Variants in TTC27 observed in about 807,000 individuals in gnomAD.
TTC27 encodes the protein tetratricopeptide repeat protein 27.
A neutral mutation model predicts 115.9 loss-of-function variants in TTC27; 79 were observed. That is an observed-to-expected ratio of 0.68 (90% CI 0.57 to 0.82). The LOEUF (loss-of-function observed/expected upper bound fraction) is 0.82, where lower values mean the gene tolerates loss of function less well. TTC27 is among the 40% of genes least tolerant of loss of function. TTC27 has a pLI of 0.00. For synonymous variants in TTC27, 401 were observed against 356.0 expected (o/e 1.13, Z -1.42); for missense variants, 1,054 against 993.1 (o/e 1.06, Z -0.82).
intron 2 of TTC27, among the ~76,000 whole-genome samples, chr2:32,632,821 A>G (rs1267607639): frequency 2.0e-5 from 3 of 152,196 alleles, no homozygotes; most frequent in African/African-American, 7.2e-5. Flanking sequence ...GTACCTATTT[A>G]GATCCTAATT....
At chr2:32,776,464 C>T (rs1461141843) in intron 13 of TTC27, among the ~76,000 whole-genome samples, 1 of 152,190 alleles carries the variant, frequency 6.6e-6, no homozygotes, top group Non-Finnish European at 1.5e-5. Context: ...ACAGCTGGCT[C>T]AGTGCCTTTC....
chr2:32,644,180 CAA>C (rs70938356), intron 4 of TTC27, among the ~76,000 whole-genome samples: 115 of 75,346 alleles, frequency 1.5e-3, no homozygotes, highest in African/African-American at 3.7e-3. Context: ...GACTCTGTTT[CAA>C]AAAAAAAAAA....
At chr2:32,666,359 C>CT (rs35023187) in intron 6 of TTC27, among the ~76,000 whole-genome samples, 29,474 of 136,492 alleles carry the variant, frequency 0.22, 4,329 homozygotes, top group African/African-American at 0.42. Context: ...CAATGTGTTA[C>CT]TTTTTTTTTT....
chr2:32,644,180 C>CAAA (rs70938356), intron 4 of TTC27, among the ~76,000 whole-genome samples: 1 of 75,378 alleles, frequency 1.3e-5, no homozygotes, highest in African/African-American at 4.8e-5. Flanking sequence ...GACTCTGTTT[C>CAAA]AAAAAAAAAA....
intron 10 of TTC27, chr2:32,704,938 T>G (rs1667315539): frequency 2.1e-6 from 1 of 470,856 alleles, no homozygotes; most frequent in South Asian, 1.6e-5. Flanking sequence ...GTGAGATTTC[T>G]CCCCAAGTAA....
At chr2:32,759,585 CT>C (rs1463584525) in intron 13 of TTC27, among the ~76,000 whole-genome samples, 1 of 152,016 alleles carries the variant, frequency 6.6e-6, no homozygotes, top group Admixed American at 6.6e-5. Flanking sequence ...GACCTCATCT[CT>C]GAAAAAAATA....
intron 3 of TTC27, among the ~76,000 whole-genome samples, 164 bp from the exon 4 acceptor site, chr2:32,640,106 G>A (rs1051182999): frequency 5.3e-5 from 8 of 152,162 alleles, no homozygotes; most frequent in Admixed American, 3.3e-4. Context: ...ATGTCTAAGG[G>A]CATTTGCAGT....
chr2:32,810,137 G>A (rs1179890669), intron 16 of TTC27, among the ~76,000 whole-genome samples: 1 of 149,944 alleles, frequency 6.7e-6, no homozygotes, highest in East Asian at 2.0e-4. Flanking sequence ...AAAATGGTGA[G>A]CCAACCTGAG....
At chr2:32,719,224 T>C (rs1667845850) in intron 10 of TTC27, among the ~76,000 whole-genome samples, 6 of 152,180 alleles carry the variant, frequency 3.9e-5, no homozygotes. Context: ...AGCAGTGAAC[T>C]AAACAATGTA....
intron 14 of TTC27, among the ~76,000 whole-genome samples, chr2:32,778,205 A>G (rs952971410): frequency 2.0e-5 from 3 of 152,252 alleles, no homozygotes; most frequent in Admixed American, 1.3e-4. Context: ...TGTTAAAAAT[A>G]TACTTCACTG....
At chr2:32,677,194 T>C (rs1666240931) in intron 8 of TTC27, among the ~76,000 whole-genome samples, 1 of 152,208 alleles carries the variant, frequency 6.6e-6, no homozygotes, top group South Asian at 2.1e-4. Flanking sequence ...ATTGTATTCC[T>C]GTGATGCATG....
chr2:32,746,485 C>G (rs1194068564), intron 12 of TTC27, among the ~76,000 whole-genome samples: 1 of 135,122 alleles, frequency 7.4e-6, no homozygotes, highest in African/African-American at 2.8e-5. Flanking sequence ...ATTGCTTGAA[C>G]CTGGGAGGCA....
chr2:32,648,436 C>CTTT (rs35446780), intron 4 of TTC27, among the ~76,000 whole-genome samples: 2 of 111,870 alleles, frequency 1.8e-5, no homozygotes, highest in Non-Finnish European at 1.8e-5. Flanking sequence ...GGCACCCCCC[C>CTTT]TTTTTTTTTT....
intron 13 of TTC27, among the ~76,000 whole-genome samples, chr2:32,768,767 T>C (rs1270951287): frequency 1.3e-5 from 2 of 152,200 alleles, no homozygotes; most frequent in Non-Finnish European, 2.9e-5. Flanking sequence ...GAAGCCTCAT[T>C]ACAGAGGAAA....
intron 10 of TTC27, among the ~76,000 whole-genome samples, chr2:32,719,702 A>T (rs553580727): frequency 6.6e-6 from 1 of 152,228 alleles, no homozygotes; most frequent in South Asian, 2.1e-4. Context: ...TAGTTACTCT[A>T]AGCTGGAGAC....
At chr2:32,735,264 GCTT>G (rs1365276704) in intron 11 of TTC27, among the ~76,000 whole-genome samples, 1 of 152,182 alleles carries the variant, frequency 6.6e-6, no homozygotes, top group African/African-American at 2.4e-5. Flanking sequence ...AAAAGGAATA[GCTT>G]CTTCATCAAG....
At chr2:32,673,411 G>C (rs2151884897) in intron 8 of TTC27, among the ~76,000 whole-genome samples, 1 of 152,084 alleles carries the variant, frequency 6.6e-6, no homozygotes, top group African/African-American at 2.4e-5. Context: ...ATTTTTAGTA[G>C]AGATGGGGTT....
chr2:32,657,554 G>A (rs1047767841), intron 5 of TTC27, among the ~76,000 whole-genome samples: 6 of 151,682 alleles, frequency 4.0e-5, no homozygotes, highest in East Asian at 1.9e-4. Flanking sequence ...GAGTTTCACC[G>A]AAACACTTTC....
chr2:32,777,859 A>C, intron 13 of TTC27, 23 bp from the exon 14 acceptor site: 1 of 1,609,920 alleles, frequency 6.2e-7, no homozygotes, highest in Non-Finnish European at 8.5e-7. Flanking sequence ...TGTTTGAATG[A>C]CTTTGACTTT....
Sources: gnomAD v4.1 joint callset for allele counts (sites outside exome capture counted in the v4.1 genomes callset) on GRCh38, gnomAD v4.1.1 for gene constraint, MANE v1.5 for transcripts, NCBI Gene and HGNC (gene_info 2026-07-23, HGNC 2026-07-21) for gene names.